TIAM1: variants seen among roughly 807,000 people sequenced by gnomAD.
The protein encoded by TIAM1 is rho guanine nucleotide exchange factor TIAM1.
TIAM1 carries 65 observed loss-of-function variants against 163.5 expected under a neutral mutation model. The ratio of observed to expected loss-of-function variants is 0.40; its 90% CI spans 0.33 to 0.49. The LOEUF (loss-of-function observed/expected upper bound fraction) is 0.49, where lower values mean the gene tolerates loss of function less well. Among genes scored for constraint, TIAM1 ranks in the 20% least tolerant of loss-of-function variants. The pLI is 0.77. For missense variants in TIAM1, 1,789 were observed against 2,044.7 expected (o/e 0.87, Z 2.41); for synonymous variants, 833 against 810.1 (o/e 1.03, Z -0.48).
At chr21:31,193,007 G>T (rs1601491485) in intron 13 of TIAM1, among the ~76,000 whole-genome samples, 1 of 152,074 alleles carries the variant, frequency 6.6e-6, no homozygotes, top group African/African-American at 2.4e-5. Flanking sequence ...AGCTAACCTC[G>T]CCACTCCTGA....
At chr21:31,461,447 G>A (rs2045323677) in intron 2 of TIAM1, among the ~76,000 whole-genome samples, 1 of 152,092 alleles carries the variant, frequency 6.6e-6, no homozygotes, top group African/African-American at 2.4e-5. Context: ...TCACGCCACT[G>A]TACTGCAGCC....
At chr21:31,272,005 G>A (rs977276473) in intron 3 of TIAM1, among the ~76,000 whole-genome samples, 3 of 152,150 alleles carry the variant, frequency 2.0e-5, no homozygotes, top group Non-Finnish European at 4.4e-5. Context: ...ATGGGGTCAT[G>A]TCCTCATAAA....
At chr21:31,372,096 A>G (rs1192904941) in intron 2 of TIAM1, among the ~76,000 whole-genome samples, 1 of 152,178 alleles carries the variant, frequency 6.6e-6, no homozygotes, top group Non-Finnish European at 1.5e-5. Flanking sequence ...CAGCTCCCCA[A>G]CGCGGAAGGC....
chr21:31,180,250 C>A (rs908678137), intron 15 of TIAM1, among the ~76,000 whole-genome samples: 3 of 152,030 alleles, frequency 2.0e-5, no homozygotes, highest in African/African-American at 7.2e-5. Flanking sequence ...AAACATTAAC[C>A]GTGTCTATCC....
chr21:31,155,561 G>C (rs1568934136), intron 16 of TIAM1, among the ~76,000 whole-genome samples: 1 of 151,968 alleles, frequency 6.6e-6, no homozygotes, highest in Admixed American at 6.5e-5. Context: ...CTGGAGTGCA[G>C]TGGTGCGATC....
intron 7 of TIAM1, among the ~76,000 whole-genome samples, chr21:31,225,228 G>A (rs2087882948): frequency 6.6e-6 from 1 of 152,006 alleles, no homozygotes; most frequent in African/African-American, 2.4e-5. Flanking sequence ...TTGAAATCCT[G>A]GGCTCAAGCG....
intron 2 of TIAM1, among the ~76,000 whole-genome samples, chr21:31,393,638 A>C (rs2147200772): frequency 6.6e-6 from 1 of 152,364 alleles, no homozygotes; most frequent in South Asian, 2.1e-4. Context: ...GAAGAATTTC[A>C]GTACCTCCTT....
chr21:31,214,616 A>C (rs1002845123), intron 9 of TIAM1, among the ~76,000 whole-genome samples: 1 of 152,146 alleles, frequency 6.6e-6, no homozygotes. Context: ...AATCCTGCTA[A>C]CTTAAAGATG....
intron 13 of TIAM1, among the ~76,000 whole-genome samples, chr21:31,187,655 A>T (rs1169683810): frequency 1.3e-5 from 2 of 152,144 alleles, no homozygotes; most frequent in African/African-American, 4.8e-5. Context: ...TGATCATAAG[A>T]TTATCTTATA....
At chr21:31,192,672 G>C (rs1382852999) in intron 13 of TIAM1, among the ~76,000 whole-genome samples, 1 of 152,076 alleles carries the variant, frequency 6.6e-6, no homozygotes, top group Non-Finnish European at 1.5e-5. Flanking sequence ...AGCATATGAG[G>C]TAGTCTTTAT....
chr21:31,309,811 C>T (rs532344536), intron 2 of TIAM1, among the ~76,000 whole-genome samples: 15 of 152,182 alleles, frequency 9.9e-5, no homozygotes, highest in African/African-American at 3.6e-4. Flanking sequence ...CGTGACCAGA[C>T]ATTCATTCTG....
At chr21:31,359,064 A>T (rs2076361052) in intron 2 of TIAM1, among the ~76,000 whole-genome samples, 1 of 152,016 alleles carries the variant, frequency 6.6e-6, no homozygotes, top group African/African-American at 2.4e-5. Context: ...ATTTCTTTAT[A>T]TTCTTTTAGT....
At chr21:31,477,226 T>TCC (rs542299809) in intron 1 of TIAM1, among the ~76,000 whole-genome samples, 1 of 152,190 alleles carries the variant, frequency 6.6e-6, no homozygotes, top group Non-Finnish European at 1.5e-5. Flanking sequence ...ACTATTTTCC[T>TCC]CCACAAGCGT....
chr21:31,130,866 A>G (rs1359108074), intron 24 of TIAM1, 24 bp downstream of exon 24: 1 of 1,608,728 alleles, frequency 6.2e-7, no homozygotes, highest in East Asian at 2.2e-5. Context: ...GTTTCAAACC[A>G]TGGGGTAACA....
At chr21:31,410,517 G>C (rs111348320) in intron 2 of TIAM1, among the ~76,000 whole-genome samples, 23 of 151,872 alleles carry the variant, frequency 1.5e-4, no homozygotes, top group African/African-American at 2.4e-4. Flanking sequence ...GTGTATGTGA[G>C]AGTGCATGAG....
intron 2 of TIAM1, among the ~76,000 whole-genome samples, chr21:31,432,409 C>G (rs543392051): frequency 1.5e-3 from 224 of 152,268 alleles, no homozygotes; most frequent in African/African-American, 5.0e-3. Flanking sequence ...CTTCCATACT[C>G]TTTATTCTGC....
intron 2 of TIAM1, among the ~76,000 whole-genome samples, chr21:31,291,991 T>A (rs966249093): frequency 3.3e-5 from 5 of 152,128 alleles, no homozygotes; most frequent in African/African-American, 1.2e-4. Context: ...CCACTTAGGG[T>A]CAAAACCTTT....
rs1278156311 is a variant in TIAM1 at position 31,473,933 on chromosome 21, T to C, written c.-421-9898A>G. On this transcript the variant is annotated intron_variant, in intron 1 of 28. Transcript: ENST00000286827. The stretch of plus-strand genomic sequence containing the variant: ...TAACTTACAAAGAAAAGAGGTTTAT[T>C]TGGCGCACAGTTCTGCAGGCTGCAC... Among the ~76,000 whole-genome samples, 51 of 152,214 alleles carry C rather than the reference T, an allele frequency of 3.4e-4. 1 individual carries two copies. The highest frequency in any genetic ancestry group is 3.3e-3 in the Admixed American group (51 of 15,272).
At chr21:31,366,140 C>T (rs999500413) in intron 2 of TIAM1, among the ~76,000 whole-genome samples, 2 of 148,936 alleles carry the variant, frequency 1.3e-5, no homozygotes, top group African/African-American at 5.0e-5. Flanking sequence ...CACCTTGATA[C>T]CAGGCATCCC....
Sources: allele counts gnomAD v4.1 joint callset (sites outside exome capture counted in the v4.1 genomes callset), GRCh38; gene constraint gnomAD v4.1.1; transcripts MANE v1.5; gene names NCBI Gene and HGNC (gene_info 2026-07-23, HGNC 2026-07-21).